SF1: variants seen among roughly 807,000 people sequenced by gnomAD.
SF1 encodes the protein splicing factor 1, also known as branch point-binding protein.
SF1 carries 7 observed loss-of-function variants against 62.5 expected under a neutral mutation model. The ratio of observed to expected loss-of-function variants is 0.11; its 90% CI spans 0.06 to 0.21. The LOEUF is 0.21. Among genes scored for constraint, SF1 ranks in the 10% least tolerant of loss-of-function variants. The pLI is 1.00. For synonymous variants in SF1, 394 were observed against 323.6 expected (o/e 1.22, Z -2.33); for missense variants, 578 against 884.0 (o/e 0.65, Z 4.39).
At position 64,777,873 on chromosome 11, in the gene SF1, C is replaced by T. The variant is rs371859898; in HGVS notation, c.31+489G>A. 60 of 934,766 alleles carry T rather than the reference C, an allele frequency of 6.4e-5. 2 individuals carry two copies. The East Asian group carries it at 3.7e-3, about 57-fold the overall frequency. The allele number at this position is 934,766 out of a possible 1,614,324, so 57.9% of individuals were successfully genotyped here. On this transcript the variant is annotated intron_variant, in intron 1 of 12. Coordinates refer to ENST00000377390, the MANE Select transcript of SF1 (RefSeq NM_004630.4). ...AGGGGCGCCTCCGCCCGGGCCTCCC[C>T]GTGCGCGCACGCGCGCCCCTGCCGC... is the stretch of plus-strand genomic sequence containing the variant.
In SF1 at chr11:64,767,257, TGGAA is replaced by T; in HGVS notation, c.1343-10_1343-7del. 1 of 1,613,868 alleles carries T rather than the reference TGGAA, an allele frequency of 6.2e-7. No individual in the cohort carries two copies. The highest frequency in any genetic ancestry group is 1.1e-5 in the South Asian group (1 of 91,082). ...CGTACTTCCCAGGTACTGATCTTGATGGAAGGAAAGAGCAGGGACTTAGCAGGAC... is the reference window on the plus strand; with the variant it reads ...CGTACTTCCCAGGTACTGATCTTGATGGAAAGAGCAGGGACTTAGCAGGAC... On this transcript the variant is annotated splice_polypyrimidine_tract_variant and splice_region_variant and intron_variant, in intron 10 of 12. Transcript: ENST00000377390.
At position 64,772,870 on chromosome 11, in the gene SF1, T is replaced by G. The variant is rs560074058; in HGVS notation, c.236+560A>C. 9.1e-5 allele frequency: 90 copies of G among 985,316 alleles called. No homozygotes were observed. The African/African-American group carries it at 1.5e-3, about 16-fold the overall frequency. The allele number at this position is 985,316 out of a possible 1,614,324, so 61.0% of individuals were successfully genotyped here. A position where few individuals can be genotyped will look rare whatever the true frequency, so the allele number is the denominator to read the frequency against. ...AAATAGGTGAGAATATTCTGGCCCC[T>G]CCCAACACCCCCAAGGCAATGGCCA... On this transcript the variant is annotated intron_variant, in intron 3 of 12. Coordinates refer to ENST00000377390, the MANE Select transcript of SF1 (RefSeq NM_004630.4).
chr11:64,775,866 A>G lies in SF1; in HGVS notation c.160+632T>C, dbSNP rs71583710. 9.5e-3 allele frequency among the ~76,000 whole-genome samples: 1,442 copies of G among 152,356 alleles called. 23 individuals are homozygous for G. Among genetic ancestry groups the G allele is most frequent in the African/African-American group, 0.032 (1,318 of 41,588 alleles). On this transcript the variant is annotated intron_variant, in intron 2 of 12. Transcript: ENST00000377390. ...GCACTTCATTCCATATCCATGCAAT[A>G]TCCCTTTCCCAGCAGAGTTCTTTAA...
At chr11:64,776,350 G>T in intron 2 of SF1, 148 bp downstream of exon 2, 1 of 821,100 alleles carries the variant, frequency 1.2e-6, no homozygotes, top group Admixed American at 2.2e-5. Context: ...AACTCACTGG[G>T]CAAAAACTGA....
Position 64,769,218 on chromosome 11 carries a change from C to T in SF1, c.779+5G>A. The T allele has an allele frequency of 6.2e-7, 1 of 1,613,504 alleles. No homozygotes were observed. Among genetic ancestry groups the T allele is most frequent in the Non-Finnish European group, 8.5e-7 (1 of 1,179,398 alleles). ...TCTACACTCTCCTTTAAACTGATCA[C>T]ATACCTGTTATCGTCTTCCCGAAGG... is the stretch of plus-strand genomic sequence containing the variant. On this transcript the variant is annotated splice_donor_5th_base_variant and intron_variant, in intron 7 of 12. Coordinates refer to ENST00000377390, the MANE Select transcript of SF1 (RefSeq NM_004630.4).
chr11:64,777,522 T>C (rs528771965), intron 1 of SF1: 401 of 985,476 alleles, frequency 4.1e-4, no homozygotes, highest in South Asian at 1.4e-3. Context: ...AAACCCTGCC[T>C]TGCTGTAGAA....
Position 64,767,216 on chromosome 11 carries a change from C to A in SF1, c.1378G>T (p.Val460Phe). 1 of 1,614,054 alleles carries A rather than the reference C, an allele frequency of 6.2e-7. No individual in the cohort carries two copies. Among genetic ancestry groups the A allele is most frequent in the Non-Finnish European group, 8.5e-7 (1 of 1,179,958 alleles). Residue 460 changes from valine to phenylalanine, a missense_variant, in exon 11 of 13, where the codon GTC becomes TTC. Val to Phe is a conservative substitution (Grantham distance 50, BLOSUM62 -1). Transcript: ENST00000377390. ...CCTTTTCCTTGATGCAGGCGATAGA[C>A]CCCAGAGCCCACAGGCGTACTTCCC... is the stretch of plus-strand genomic sequence containing the variant. ...YLGSTPVGSG[V>F]YRLHQGKGMM...
At chr11:64,775,451 G>A (rs1288631283) in intron 2 of SF1, among the ~76,000 whole-genome samples, 1 of 152,202 alleles carries the variant, frequency 6.6e-6, no homozygotes, top group Non-Finnish European at 1.5e-5. Context: ...GAGTAGACAG[G>A]AACAGTAGGG....
At position 64,765,752 on chromosome 11, in the gene SF1, G is replaced by C. The variant is rs2058604186; in HGVS notation, c.*66C>G. 1.4e-6 allele frequency: 2 copies of C among 1,479,404 alleles called. No homozygotes were observed. The allele number at this position is 1,479,404 out of a possible 1,614,324, so 91.6% of individuals were successfully genotyped here. On this transcript the variant is annotated 3_prime_UTR_variant, in exon 13 of 13. Transcript: ENST00000377390. ...CCCAATGTCTGGCTCCATATGGTGAGGTTCGGCGTGTTTAAACGAGACCAA... is the reference window on the plus strand; with the variant it reads ...CCCAATGTCTGGCTCCATATGGTGACGTTCGGCGTGTTTAAACGAGACCAA...
At chr11:64,777,671 C>A in intron 1 of SF1, 1 of 985,658 alleles carries the variant, frequency 1.0e-6, no homozygotes. Flanking sequence ...ACACCCGCCA[C>A]CCCTGTTCCC....
chr11:64,767,263 G>GA lies in SF1; in HGVS notation c.1343-13dup, dbSNP rs1565557690. On this transcript the variant is annotated splice_polypyrimidine_tract_variant and intron_variant, in intron 10 of 12. Coordinates refer to ENST00000377390, the MANE Select transcript of SF1 (RefSeq NM_004630.4). ...TCCCAGGTACTGATCTTGATGGAAG[G>GA]AAAGAGCAGGGACTTAGCAGGACAT... 6.2e-7 allele frequency: 1 copy of GA among 1,613,584 alleles called. No individual in the cohort carries two copies. The highest frequency in any genetic ancestry group is 2.2e-5 in the East Asian group (1 of 44,884).
At chr11:64,775,446 G>T (rs527724748) in intron 2 of SF1, among the ~76,000 whole-genome samples, 26 of 152,312 alleles carry the variant, frequency 1.7e-4, no homozygotes, top group African/African-American at 6.3e-4. Context: ...GGTGGGAGTA[G>T]ACAGGAACAG....
rs768355476 is a variant in SF1 at position 64,770,070 on chromosome 11, T to C, written c.390-17A>G. 4.0e-5 allele frequency: 64 copies of C among 1,605,016 alleles called. No individual in the cohort carries two copies. The highest frequency in any genetic ancestry group is 5.1e-5 in the Non-Finnish European group (60 of 1,171,878). Reference sequence around the variant, plus strand: ...GCTGGAGGTCTAAGAAAGAAAAGCCTGTGTCACCGCACATTTCTGGAGAAT... The same window carrying C: ...GCTGGAGGTCTAAGAAAGAAAAGCCCGTGTCACCGCACATTTCTGGAGAAT... On this transcript the variant is annotated splice_polypyrimidine_tract_variant and intron_variant, in intron 4 of 12. Transcript: ENST00000377390.
At chr11:64,773,791 A>AT (rs2135954096) in intron 2 of SF1, among the ~76,000 whole-genome samples, 1 of 152,296 alleles carries the variant, frequency 6.6e-6, no homozygotes, top group African/African-American at 2.4e-5. Context: ...CATCCAAGCA[A>AT]TTATTAGGAG....
At chr11:64,775,417 T>C (rs1310956159) in intron 2 of SF1, among the ~76,000 whole-genome samples, 1 of 152,144 alleles carries the variant, frequency 6.6e-6, no homozygotes, top group African/African-American at 2.4e-5. Context: ...ACTAGTCTAA[T>C]ATGAGACACA....
At chr11:64,772,409 T>C (rs1048909332) in intron 3 of SF1, 6 of 984,690 alleles carry the variant, frequency 6.1e-6, no homozygotes, top group Non-Finnish European at 7.2e-6. Flanking sequence ...ATAGCAAATG[T>C]AGTAAGTCAA....
At chr11:64,777,785 C>T in intron 1 of SF1, 2 of 979,158 alleles carry the variant, frequency 2.0e-6, no homozygotes, top group Middle Eastern at 5.3e-4. Context: ...CTCCCGCCCG[C>T]CCAGCCCTCC....
At chr11:64,769,707 G>C (rs1592476570) in intron 5 of SF1, 98 bp from the exon 6 acceptor site, 1 of 1,106,628 alleles carries the variant, frequency 9.0e-7, no homozygotes, top group Non-Finnish European at 1.3e-6. Context: ...AACCACAAGC[G>C]CAGAGAATTG....
chr11:64,768,799 AC>A (rs375373048), intron 8 of SF1, among the ~76,000 whole-genome samples: 3 of 152,214 alleles, frequency 2.0e-5, no homozygotes, highest in African/African-American at 7.2e-5. Context: ...GTAAAAACAT[AC>A]CCAAAATGGA....
Sources: gnomAD v4.1 joint callset for allele counts (sites outside exome capture counted in the v4.1 genomes callset) on GRCh38, gnomAD v4.1.1 for gene constraint, MANE v1.5 for transcripts, NCBI Gene and HGNC (gene_info 2026-07-23, HGNC 2026-07-21) for gene names.